Variants in GLT6D1 observed in about 807,000 individuals in gnomAD.
The protein encoded by GLT6D1 is putative glycosyltransferase 6 domain-containing protein 1.
GLT6D1 carries 9 observed loss-of-function variants against 12.3 expected under a neutral mutation model. That is an observed-to-expected ratio of 0.73 (90% CI 0.44 to 1.27). GLT6D1 has a LOEUF of 1.27. Among genes scored for constraint, GLT6D1 ranks in the 50% most tolerant of loss-of-function variants. The probability of loss-of-function intolerance (pLI) is 0.00; values close to 1 mark genes in which losing one functional copy is unlikely to be tolerated. For missense variants in GLT6D1, 335 were observed against 346.2 expected, an observed-to-expected ratio of 0.97 and a Z score of 0.26; for synonymous variants, 128 against 132.3, an observed-to-expected ratio of 0.97 and a Z score of 0.23.
rs778597275 is a variant in GLT6D1 at position 135,624,284 on chromosome 9, G to T, written c.644C>A (p.Ala215Glu). 1 of 1,603,796 alleles carries T rather than the reference G, an allele frequency of 6.2e-7. No homozygotes were observed. Among genetic ancestry groups the T allele is most frequent in the South Asian group, 1.1e-5 (1 of 89,330 alleles). The change falls in exon 5 of 5, where the codon GCA becomes GAA. Residue 215 changes from alanine (A) to glutamate (E), a missense_variant. Ala to Glu is a moderately radical substitution (Grantham distance 107, BLOSUM62 -1). Transcript: ENST00000371763. The stretch of plus-strand genomic sequence containing the variant: ...TCCCTGTCCAAACGGGATGCAAGCT[G>T]CTGAGGTCGGCCTCCTCTCATAAGG... ...NFPYERRPTSAACIPFGQGDF... is the reference protein window; with the variant it reads ...NFPYERRPTSEACIPFGQGDF...
rs201867801 is a variant in GLT6D1 at position 135,624,201 on chromosome 9, T to C, written c.727A>G (p.Ile243Val). The change falls in exon 5 of 5, where the codon ATC becomes GTC. Residue 243 changes from isoleucine to valine, a missense_variant. Coordinates refer to ENST00000371763, the MANE Select transcript of GLT6D1 (RefSeq NM_182974.3). The stretch of plus-strand genomic sequence containing the variant: ...ATAACTCCGTTCAGATATTCTTTGA[T>C]GAAGTCTAAAATATTATGGGGTGTG... ...GGTPHNILDF[I>V]KEYLNGVIHD... 3.4e-4 allele frequency: 541 copies of C among 1,612,222 alleles called. No homozygotes were observed. The highest frequency in any genetic ancestry group is 4.4e-4 in the Non-Finnish European group (518 of 1,179,410).
At chr9:135,640,732 A>T (rs1008805555), upstream of GLT6D1, among the ~76,000 whole-genome samples, 1 of 152,006 alleles carries the variant, frequency 6.6e-6, no homozygotes, top group African/African-American at 2.4e-5. Context: ...AAAAAAAAGA[A>T]AAAAAGGAGA....
chr9:135,626,395 T>TCCC (rs2119132225), intron 3 of GLT6D1, among the ~76,000 whole-genome samples, 189 bp from the exon 4 acceptor site: 1 of 152,266 alleles, frequency 6.6e-6, no homozygotes, highest in East Asian at 1.9e-4. Flanking sequence ...GATCTCCACG[T>TCCC]GGGGAAGCAG....
upstream of GLT6D1, among the ~76,000 whole-genome samples, chr9:135,640,317 G>T (rs1044327068): frequency 6.6e-6 from 1 of 152,190 alleles, no homozygotes; most frequent in African/African-American, 2.4e-5. Context: ...AACAGTCTGG[G>T]TGTCATAGTC....
chr9:135,629,034 T>G (rs1354436318), intron 3 of GLT6D1, among the ~76,000 whole-genome samples: 3 of 152,090 alleles, frequency 2.0e-5, no homozygotes, highest in African/African-American at 7.2e-5. Context: ...TTCTCTATTA[T>G]TCTTCTATTT....
chr9:135,640,701 C>T (rs762725579), upstream of GLT6D1, among the ~76,000 whole-genome samples: 7 of 150,462 alleles, frequency 4.7e-5, no homozygotes, highest in Non-Finnish European at 8.9e-5. Context: ...GCCTGGGTGA[C>T]AGAGCAAGAC....
In GLT6D1 at chr9:135,624,248, TA is replaced by T; in HGVS notation, c.679del (p.Tyr227MetfsTer4). On this transcript the variant is annotated frameshift_variant, in exon 5 of 5. Transcript: ENST00000371763. LOFTEE classifies it low-confidence loss of function (END_TRUNC). The stretch of plus-strand genomic sequence containing the variant: ...TGTGCCACCAACCATCAAGTTGCCA[TA>T]ATAGAAATCTCCCTGTCCAAACGGG... ...CIPFGQGDFY[Y>X]GNLMVGGTPH... is the part of the protein sequence containing the mutation. 2 of 1,605,656 alleles carry T rather than the reference TA, an allele frequency of 1.2e-6. No individual in the cohort carries two copies. Among genetic ancestry groups the T allele is most frequent in the Non-Finnish European group, 1.7e-6 (2 of 1,176,710 alleles).
chr9:135,624,366 C>G lies in GLT6D1; in HGVS notation c.562G>C (p.Gly188Arg). The change falls in exon 5 of 5, where the codon GGC becomes CGC. Residue 188 changes from glycine to arginine, a missense_variant. Gly to Arg is a moderately radical substitution (Grantham distance 125, BLOSUM62 -2). Coordinates refer to ENST00000371763, the MANE Select transcript of GLT6D1 (RefSeq NM_182974.3). ...FQNEFGVETL[G>R]PLVAQLHAWW... Reference sequence around the variant, plus strand: ...GCGTGGAGCTGGGCCACCAACGGGCCCAGGGTCTCCACCCCGAACTCATTC... The same window carrying G: ...GCGTGGAGCTGGGCCACCAACGGGCGCAGGGTCTCCACCCCGAACTCATTC... 2 of 1,614,060 alleles carry G rather than the reference C, an allele frequency of 1.2e-6. No individual in the cohort carries two copies. The highest frequency in any genetic ancestry group is 1.7e-6 in the Non-Finnish European group (2 of 1,180,004).
intron 2 of GLT6D1, among the ~76,000 whole-genome samples, chr9:135,636,315 C>T (rs13289856): frequency 6.6e-6 from 1 of 152,212 alleles, no homozygotes; most frequent in African/African-American, 2.4e-5. Flanking sequence ...GATCGCTCTA[C>T]TGCACTCCAG....
chr9:135,632,395 C>T (rs917546323), intron 2 of GLT6D1, among the ~76,000 whole-genome samples: 12 of 152,118 alleles, frequency 7.9e-5, no homozygotes, highest in Non-Finnish European at 1.6e-4. Context: ...CAAGACTGTC[C>T]GTCCCCCTTT....
chr9:135,639,169 G>T lies in GLT6D1; in HGVS notation c.19C>A (p.Leu7Met). ...GAAAAAGCAAATAAAACCAATAACAGCATTCTTTTAGAATTCATTCTCTCC... is the reference window on the plus strand; with the variant it reads ...GAAAAAGCAAATAAAACCAATAACATCATTCTTTTAGAATTCATTCTCTCC... MNSKRM[L>M]LLVLFAFSLM... The change falls in exon 2 of 5, where the codon CTG becomes ATG. Residue 7 changes from leucine to methionine, a missense_variant. Leu to Met is a conservative substitution (Grantham distance 15). Coordinates refer to ENST00000371763, the MANE Select transcript of GLT6D1 (RefSeq NM_182974.3). 1 of 1,584,520 alleles carries T rather than the reference G, an allele frequency of 6.3e-7. No homozygotes were observed. Among genetic ancestry groups the T allele is most frequent in the Non-Finnish European group, 8.7e-7 (1 of 1,154,564 alleles).
upstream of GLT6D1, among the ~76,000 whole-genome samples, chr9:135,640,831 T>A (rs1269269879): frequency 6.6e-6 from 1 of 152,198 alleles, no homozygotes; most frequent in Non-Finnish European, 1.5e-5. Context: ...TGGGCCCAGT[T>A]CTTGTACCTC....
Position 135,624,142 on chromosome 9 carries a change from A to C in GLT6D1, c.786T>G (p.Tyr262Ter). ...HDIKNGLNST[Y>*]EKHLNKYFYL... ...AAAAATATTTGTTAAGGTGCTTTTC[A>C]TAAGTGCTATTGAGTCCATTTTTGA... is the stretch of plus-strand genomic sequence containing the variant. The change falls in exon 5 of 5, where the codon TAT (tyrosine) becomes TAG (stop). Residue 262 changes from tyrosine (Y) to a stop codon, truncating the protein, a stop_gained. Transcript: ENST00000371763. LOFTEE classifies it high-confidence loss of function. 1 of 1,613,568 alleles carries C rather than the reference A, an allele frequency of 6.2e-7. No individual in the cohort carries two copies. The highest frequency in any genetic ancestry group is 8.5e-7 in the Non-Finnish European group (1 of 1,179,780).
At chr9:135,637,326 C>T (rs1833799271) in intron 2 of GLT6D1, among the ~76,000 whole-genome samples, 1 of 149,192 alleles carries the variant, frequency 6.7e-6, no homozygotes, top group African/African-American at 2.5e-5. Flanking sequence ...TGGTTTGAGG[C>T]ATTTATGAAT....
chr9:135,631,406 T>C (rs749325115), intron 3 of GLT6D1, 25 bp downstream of exon 3: 5 of 1,581,384 alleles, frequency 3.2e-6, no homozygotes, highest in Admixed American at 1.7e-5. Context: ...TGTGTGTGCA[T>C]GTAAACAGGC....
intron 3 of GLT6D1, among the ~76,000 whole-genome samples, chr9:135,628,054 A>G (rs1303285647): frequency 6.6e-6 from 1 of 152,152 alleles, no homozygotes; most frequent in Non-Finnish European, 1.5e-5. Flanking sequence ...TTGTTTAATG[A>G]TAAGAATTAT....
intron 3 of GLT6D1, among the ~76,000 whole-genome samples, chr9:135,626,803 G>A (rs550451152): frequency 1.2e-3 from 186 of 152,182 alleles, no homozygotes; most frequent in African/African-American, 3.9e-3. Context: ...CGAGCCATCC[G>A]ATTTGCCTTC....
At chr9:135,636,062 C>G (rs1833766280) in intron 2 of GLT6D1, among the ~76,000 whole-genome samples, 1 of 152,150 alleles carries the variant, frequency 6.6e-6, no homozygotes. Flanking sequence ...TTTCAAACTC[C>G]ACTCATACCC....
chr9:135,639,003 G>A, intron 2 of GLT6D1, 114 bp downstream of exon 2: 1 of 600,394 alleles, frequency 1.7e-6, no homozygotes, highest in South Asian at 2.4e-5. Context: ...CTGCACTCCA[G>A]CCTGGGCAAC....
Sources: allele counts gnomAD v4.1 joint callset (sites outside exome capture counted in the v4.1 genomes callset), GRCh38; gene constraint gnomAD v4.1.1; transcripts MANE v1.5; gene names NCBI Gene and HGNC (gene_info 2026-07-23, HGNC 2026-07-21).